MDGA2: variants seen among roughly 807,000 people sequenced by gnomAD.
MDGA2 encodes MAM domain containing glycosylphosphatidylinositol anchor 2.
MDGA2 carries 40 observed loss-of-function variants against 117.8 expected under a neutral mutation model. The ratio of observed to expected loss-of-function variants is 0.34; its 90% CI spans 0.26 to 0.44. The LOEUF (loss-of-function observed/expected upper bound fraction) is 0.44, where lower values mean the gene tolerates loss of function less well. MDGA2 is among the 20% of genes least tolerant of loss of function. MDGA2 has a pLI of 1.00. For missense variants in MDGA2, 1,123 were observed against 1,250.6 expected (o/e 0.90, Z 1.54); for synonymous variants, 452 against 439.0 (o/e 1.03, Z -0.37).
intron 1 of MDGA2, among the ~76,000 whole-genome samples, chr14:47,588,257 TATATACACACACACAC>T (rs1896368551): frequency 1.0e-5 from 1 of 98,666 alleles, no homozygotes; most frequent in Non-Finnish European, 2.1e-5. Context: ...TATATATATA[TATATACACACACACAC>T]ACACACACAC....
Position 47,533,584 on chromosome 14 carries a change from ACAC to A in MDGA2, c.280+140930_280+140932del, listed in dbSNP as rs531535537. ...CACACACATATGGAGAAGGCTCAAA[ACAC>A]CACCACATATTAGAATATAATTTGA... On this transcript the variant is annotated intron_variant, in intron 1 of 16. Transcript: ENST00000399232. Among the ~76,000 whole-genome samples, 6 of 152,328 alleles carry A rather than the reference ACAC, an allele frequency of 3.9e-5. No individual in the cohort carries two copies. In the South Asian group the frequency reaches 1.2e-3, roughly 32 times the overall value.
At chr14:47,211,062 T>C (rs922104659) in intron 3 of MDGA2, among the ~76,000 whole-genome samples, 4 of 152,200 alleles carry the variant, frequency 2.6e-5, no homozygotes, top group Admixed American at 2.0e-4. Flanking sequence ...ATCATTCATA[T>C]GGTAAAAACA....
intron 1 of MDGA2, among the ~76,000 whole-genome samples, chr14:47,595,380 C>T (rs545399425): frequency 2.0e-5 from 3 of 151,632 alleles, no homozygotes; most frequent in South Asian, 2.1e-4. Context: ...ACTAAAAATA[C>T]AAAAATAGCT....
intron 1 of MDGA2, among the ~76,000 whole-genome samples, chr14:47,475,703 C>T (rs1893821972): frequency 2.0e-5 from 3 of 152,098 alleles, no homozygotes; most frequent in South Asian, 4.1e-4. Context: ...AAGCCATTAC[C>T]CTCAGCAAAC....
At chr14:47,348,139 G>GTCTCTC (rs112844787) in intron 1 of MDGA2, among the ~76,000 whole-genome samples, 11 of 144,546 alleles carry the variant, frequency 7.6e-5, no homozygotes, top group East Asian at 2.1e-4. Context: ...ATTGTGCTCT[G>GTCTCTC]TCTCTCTCTC....
At chr14:47,645,902 C>T (rs1897522402) in intron 1 of MDGA2, among the ~76,000 whole-genome samples, 1 of 151,500 alleles carries the variant, frequency 6.6e-6, no homozygotes, top group Admixed American at 6.6e-5. Context: ...GAAACCCAGT[C>T]TCTACTAAAA....
chr14:47,105,427 T>C (rs1490613918), intron 5 of MDGA2, among the ~76,000 whole-genome samples: 3 of 151,666 alleles, frequency 2.0e-5, no homozygotes, highest in African/African-American at 7.3e-5. Flanking sequence ...TCCTTCACTA[T>C]GGGTAAGCTT....
chr14:46,908,104 T>C (rs921846339), intron 10 of MDGA2, among the ~76,000 whole-genome samples: 1 of 152,168 alleles, frequency 6.6e-6, no homozygotes, highest in Admixed American at 6.5e-5. Flanking sequence ...AAAATGATCC[T>C]TAAAATCACA....
At chr14:47,583,500 T>G (rs541818985) in intron 1 of MDGA2, among the ~76,000 whole-genome samples, 12 of 151,914 alleles carry the variant, frequency 7.9e-5, no homozygotes, top group East Asian at 3.9e-4. Flanking sequence ...TCTTGAAATA[T>G]ATTTCAAATA....
intron 2 of MDGA2, among the ~76,000 whole-genome samples, chr14:47,284,843 C>A (rs61993082): frequency 6.6e-6 from 1 of 152,022 alleles, no homozygotes; most frequent in African/African-American, 2.4e-5. Context: ...TGACTGTCTG[C>A]CTGTACCTAG....
At chr14:46,870,906 G>C (rs1473910087) in intron 14 of MDGA2, 1 of 151,796 alleles carries the variant, frequency 6.6e-6, no homozygotes, top group Non-Finnish European at 1.5e-5. Context: ...TAAATAAGGT[G>C]AACATATTTT....
intron 6 of MDGA2, among the ~76,000 whole-genome samples, chr14:47,094,009 G>T (rs1879818953): frequency 6.6e-6 from 1 of 152,032 alleles, no homozygotes; most frequent in African/African-American, 2.4e-5. Context: ...CAGAAGCCTT[G>T]AAAATAATTT....
At chr14:47,418,683 A>G (rs1346346659) in intron 1 of MDGA2, among the ~76,000 whole-genome samples, 1 of 152,166 alleles carries the variant, frequency 6.6e-6, no homozygotes, top group Non-Finnish European at 1.5e-5. Context: ...ACCATAGCAC[A>G]TGGTTTTAAT....
rs1298623108 is a variant in MDGA2, at chr14:47,409,417, T to G, written c.281-107867A>C. On this transcript the variant is annotated intron_variant, in intron 1 of 16. Coordinates refer to ENST00000399232, the MANE Select transcript of MDGA2 (RefSeq NM_001113498.3). Reference sequence around the variant, plus strand: ...CATAGCATTCCTAGATGGCTTCACTTAATTATCACAAATATATCACACTAT... The same window carrying G: ...CATAGCATTCCTAGATGGCTTCACTGAATTATCACAAATATATCACACTAT... Among the ~76,000 whole-genome samples, 2 of 152,232 alleles carry G rather than the reference T, an allele frequency of 1.3e-5. 1 individual carries two copies. Among genetic ancestry groups the G allele is most frequent in the Admixed American group, 1.3e-4 (2 of 15,284 alleles).
At chr14:47,557,067 C>A (rs1895698381) in intron 1 of MDGA2, among the ~76,000 whole-genome samples, 2 of 152,272 alleles carry the variant, frequency 1.3e-5, no homozygotes, top group South Asian at 4.1e-4. Context: ...AGGGAACAAC[C>A]ATGCATTTGG....
At chr14:47,445,362 C>T (rs967638608) in intron 1 of MDGA2, among the ~76,000 whole-genome samples, 2 of 152,066 alleles carry the variant, frequency 1.3e-5, no homozygotes, top group African/African-American at 4.8e-5. Context: ...CTGGCTGTAG[C>T]GACCTTTTCT....
chr14:47,557,780 T>C (rs1289571567), intron 1 of MDGA2, among the ~76,000 whole-genome samples: 1 of 152,198 alleles, frequency 6.6e-6, no homozygotes, highest in Non-Finnish European at 1.5e-5. Context: ...CCTATGTCTA[T>C]AACTTGTATT....
chr14:47,403,220 G>A (rs893626368), intron 1 of MDGA2, among the ~76,000 whole-genome samples: 1 of 152,066 alleles, frequency 6.6e-6, no homozygotes, highest in Non-Finnish European at 1.5e-5. Flanking sequence ...AGTCCCAGAT[G>A]TCCTACCTGC....
chr14:47,382,214 TA>T (rs1220820808), intron 1 of MDGA2, among the ~76,000 whole-genome samples: 1 of 152,200 alleles, frequency 6.6e-6, no homozygotes, highest in Non-Finnish European at 1.5e-5. Flanking sequence ...CAAGATGGAT[TA>T]AAGACTTACA....
Sources: gnomAD v4.1 joint callset for allele counts (sites outside exome capture counted in the v4.1 genomes callset) on GRCh38, gnomAD v4.1.1 for gene constraint, MANE v1.5 for transcripts, NCBI Gene and HGNC (gene_info 2026-07-23, HGNC 2026-07-21) for gene names.